Variants in KCNIP4 observed in about 807,000 individuals in gnomAD.
KCNIP4 encodes the protein potassium voltage-gated channel interacting protein 4, also known as Kv channel-interacting protein 4.
KCNIP4 carries 12 observed loss-of-function variants against 34.0 expected under a neutral mutation model. The observed-to-expected ratio is 0.35, with a 90% CI of 0.23 to 0.57. The LOEUF is 0.57. KCNIP4 is among the 20% of genes least tolerant of loss of function. KCNIP4 has a pLI of 0.83. For synonymous variants in KCNIP4, 124 were observed against 102.2 expected (o/e 1.21, Z -1.29); for missense variants, 238 against 311.7 (o/e 0.76, Z 1.78).
intron 1 of KCNIP4, among the ~76,000 whole-genome samples, chr4:21,878,595 G>A (rs1726278134): frequency 6.6e-6 from 1 of 152,194 alleles, no homozygotes; most frequent in African/African-American, 2.4e-5. Context: ...TACCCAAGAT[G>A]ACAATGAGCA....
chr4:20,878,767 A>G (rs1002539128), intron 2 of KCNIP4, among the ~76,000 whole-genome samples: 1 of 152,216 alleles, frequency 6.6e-6, no homozygotes, highest in Non-Finnish European at 1.5e-5. Context: ...ACAGGAATTC[A>G]AACACATGCC....
At chr4:21,104,291 T>A (rs558057265) in intron 1 of KCNIP4, among the ~76,000 whole-genome samples, 2 of 152,124 alleles carry the variant, frequency 1.3e-5, no homozygotes, top group Middle Eastern at 3.2e-3. Context: ...CCATTCTAAC[T>A]GGTGTGAGAT....
chr4:21,495,138 A>G (rs1449014362), intron 1 of KCNIP4, among the ~76,000 whole-genome samples: 1 of 152,148 alleles, frequency 6.6e-6, no homozygotes, highest in Non-Finnish European at 1.5e-5. Flanking sequence ...CTCTGTGAAA[A>G]TGGAGCTGGT....
At chr4:20,944,069 T>G (rs543402385) in intron 1 of KCNIP4, among the ~76,000 whole-genome samples, 11 of 152,316 alleles carry the variant, frequency 7.2e-5, no homozygotes, top group South Asian at 4.1e-4. Context: ...AAAGTAGAAA[T>G]AATCATACCT....
At chr4:21,721,423 C>T (rs568448907) in intron 1 of KCNIP4, among the ~76,000 whole-genome samples, 40 of 152,216 alleles carry the variant, frequency 2.6e-4, no homozygotes, top group Middle Eastern at 6.8e-3. Context: ...AAAGAAACTT[C>T]AATTGGTGAC....
intron 1 of KCNIP4, chr4:21,848,722 G>A (rs1724177819): frequency 6.6e-6 from 1 of 152,054 alleles, no homozygotes; most frequent in Admixed American, 6.6e-5. Context: ...TTAGATTTCA[G>A]ATGGCACCCA....
intron 1 of KCNIP4, among the ~76,000 whole-genome samples, chr4:21,871,024 A>G (rs1489573192): frequency 6.6e-6 from 1 of 152,140 alleles, no homozygotes; most frequent in African/African-American, 2.4e-5. Context: ...GTTGACAAAA[A>G]TTCTCTCCTT....
intron 1 of KCNIP4, among the ~76,000 whole-genome samples, chr4:21,210,734 G>C (rs1757166021): frequency 6.6e-6 from 1 of 152,040 alleles, no homozygotes; most frequent in Admixed American, 6.6e-5. Flanking sequence ...TCCACCTTCA[G>C]CCCATGAAGA....
intron 2 of KCNIP4, 172 bp from the exon 3 acceptor site, chr4:20,850,839 A>C: frequency 5.3e-6 from 3 of 570,298 alleles, no homozygotes; most frequent in Non-Finnish European, 8.4e-6. Context: ...AAGCGTATTA[A>C]GCTAAAACAC....
chr4:20,955,100 C>T (rs1410060880), intron 1 of KCNIP4, among the ~76,000 whole-genome samples: 1 of 152,080 alleles, frequency 6.6e-6, no homozygotes, highest in Non-Finnish European at 1.5e-5. Flanking sequence ...GGAGGGTTCT[C>T]GTATTGCAGT....
chr4:21,241,353 A>G (rs1268751431), intron 1 of KCNIP4, among the ~76,000 whole-genome samples: 1 of 152,164 alleles, frequency 6.6e-6, no homozygotes, highest in East Asian at 1.9e-4. Flanking sequence ...CTTTGCAATC[A>G]GTTAAAGATG....
chr4:21,568,772 G>T (rs528644481), intron 1 of KCNIP4, among the ~76,000 whole-genome samples: 1 of 152,208 alleles, frequency 6.6e-6, no homozygotes, highest in South Asian at 2.1e-4. Flanking sequence ...ATTCGGACTG[G>T]CTTCCTGGCT....
At chr4:21,685,937 T>C (rs1750773729) in intron 1 of KCNIP4, among the ~76,000 whole-genome samples, 1 of 152,222 alleles carries the variant, frequency 6.6e-6, no homozygotes, top group South Asian at 2.1e-4. Context: ...ATAGTTTCCC[T>C]TGGGGGAATT....
intron 1 of KCNIP4, among the ~76,000 whole-genome samples, chr4:21,908,781 A>G (rs1477844629): frequency 6.6e-6 from 1 of 152,140 alleles, no homozygotes; most frequent in African/African-American, 2.4e-5. Context: ...TTCTTCCGCA[A>G]TCATAAAGTA....
intron 1 of KCNIP4, among the ~76,000 whole-genome samples, chr4:20,948,227 T>G (rs1732398779): frequency 6.6e-6 from 1 of 152,222 alleles, no homozygotes; most frequent in African/African-American, 2.4e-5. Flanking sequence ...AAGAAACAGG[T>G]AGTAAGTGAA....
intron 1 of KCNIP4, among the ~76,000 whole-genome samples, chr4:21,828,975 C>T (rs746531933): frequency 6.6e-6 from 1 of 151,326 alleles, no homozygotes; most frequent in African/African-American, 2.4e-5. Flanking sequence ...AGGGGAAAAG[C>T]AATATGGGAT....
In KCNIP4 at chr4:20,879,757, A is replaced by G. The variant is rs1383181175; in HGVS notation, c.163+2851T>C. Among the ~76,000 whole-genome samples, 8 of 152,328 alleles carry G rather than the reference A, an allele frequency of 5.3e-5. 1 individual carries two copies. In the Middle Eastern group the frequency reaches 0.01, roughly 194 times the overall value. On this transcript the variant is annotated intron_variant, in intron 2 of 8. Transcript: ENST00000382152. ...CAACAGAACTCAAGAAGAAATATGT[A>G]TGCTTTGCTGAAAAACATTTGAAAG...
chr4:20,833,784 G>C (rs1718716320), intron 3 of KCNIP4, among the ~76,000 whole-genome samples: 1 of 152,088 alleles, frequency 6.6e-6, no homozygotes, highest in East Asian at 1.9e-4. Context: ...GTTTCTAAGG[G>C]CCCTGCAGAC....
At chr4:21,892,593 A>C (rs1727171540) in intron 1 of KCNIP4, among the ~76,000 whole-genome samples, 1 of 150,978 alleles carries the variant, frequency 6.6e-6, no homozygotes, top group Admixed American at 6.6e-5. Context: ...TCAGAAGTCT[A>C]CTTAAAAAAT....
Sources: gnomAD v4.1 joint callset for allele counts (sites outside exome capture counted in the v4.1 genomes callset) on GRCh38, gnomAD v4.1.1 for gene constraint, MANE v1.5 for transcripts, NCBI Gene and HGNC (gene_info 2026-07-23, HGNC 2026-07-21) for gene names.